Variants in RTN1 observed in about 807,000 individuals in gnomAD.
RTN1 encodes the protein reticulon-1.
In RTN1, 25 loss-of-function variants were observed where a neutral mutation model predicts 65.5. The observed-to-expected ratio is 0.38, with a 90% confidence interval of 0.28 to 0.53. RTN1 has a LOEUF of 0.53. Ranked by LOEUF, RTN1 falls within the 20% of genes least tolerant of loss-of-function variation. RTN1 has a pLI of 0.79. For synonymous variants in RTN1, 471 were observed against 447.6 expected (o/e 1.05, Z -0.66); for missense variants, 983 against 1,025.4 (o/e 0.96, Z 0.57).
At chr14:59,627,013 G>A (rs184521202) in intron 3 of RTN1, among the ~76,000 whole-genome samples, 1 of 152,146 alleles carries the variant, frequency 6.6e-6, no homozygotes, top group African/African-American at 2.4e-5. Flanking sequence ...AGTAAGATAG[G>A]CAGTGAGTGC....
At chr14:59,867,099 A>G (rs994369255) in intron 1 of RTN1, among the ~76,000 whole-genome samples, 2 of 152,170 alleles carry the variant, frequency 1.3e-5, no homozygotes, top group African/African-American at 2.4e-5. Context: ...TTTGCTTTCC[A>G]TATATTAAGC....
At chr14:59,708,611 GAC>G (rs1884350500) in intron 3 of RTN1, among the ~76,000 whole-genome samples, 1 of 152,194 alleles carries the variant, frequency 6.6e-6, no homozygotes, top group African/African-American at 2.4e-5. Context: ...CAGTTGAGAA[GAC>G]ACTCCCAAGG....
At chr14:59,807,453 T>C (rs1331640582) in intron 1 of RTN1, among the ~76,000 whole-genome samples, 1 of 152,202 alleles carries the variant, frequency 6.6e-6, no homozygotes, top group Non-Finnish European at 1.5e-5. Flanking sequence ...GATTCAAACA[T>C]CTGCCTCACT....
intron 8 of RTN1, among the ~76,000 whole-genome samples, chr14:59,599,493 G>A (rs962416073): frequency 1.3e-5 from 2 of 152,126 alleles, no homozygotes; most frequent in Middle Eastern, 3.2e-3. Flanking sequence ...CACATACCTT[G>A]GCCCAGACAC....
At chr14:59,758,811 A>C (rs1398594741) in intron 1 of RTN1, among the ~76,000 whole-genome samples, 1 of 152,218 alleles carries the variant, frequency 6.6e-6, no homozygotes, top group Non-Finnish European at 1.5e-5. Flanking sequence ...ATTGAGTCAC[A>C]TTCAAGAGCC....
intron 3 of RTN1, among the ~76,000 whole-genome samples, chr14:59,611,475 C>T (rs953413184): frequency 3.9e-5 from 6 of 152,096 alleles, no homozygotes; most frequent in African/African-American, 1.4e-4. Context: ...GTCTGTAGCC[C>T]CATTGCAGGG....
chr14:59,767,039 C>CA (rs976779936), intron 1 of RTN1, among the ~76,000 whole-genome samples: 1 of 151,972 alleles, frequency 6.6e-6, no homozygotes, highest in Non-Finnish European at 1.5e-5. Context: ...ACAACAACAA[C>CA]AAAAAAACAT....
At position 59,803,601 on chromosome 14, in the gene RTN1, G is replaced by A. The variant is rs17096657; in HGVS notation, c.242-57120C>T. ...ACCTGGGAAATCAGCATCATTTACT[G>A]CCTCAGAGAAGACAAGAGGTAAAAG... On this transcript the variant is annotated intron_variant, in intron 1 of 8. Transcript: ENST00000267484. The surrounding 1 kb of genome is among the most constrained non-coding windows in gnomAD (Gnocchi z 5.6). Among the ~76,000 whole-genome samples, 31 of 152,134 alleles carry A rather than the reference G, an allele frequency of 2.0e-4. No homozygotes were observed. The highest frequency in any genetic ancestry group is 7.5e-4 in the African/African-American group (31 of 41,530).
intron 1 of RTN1, among the ~76,000 whole-genome samples, chr14:59,783,457 TG>T (rs1174012267): frequency 1.3e-5 from 2 of 152,050 alleles, no homozygotes; most frequent in African/African-American, 4.8e-5. Flanking sequence ...ACAAAATAGC[TG>T]GGAAAGTGGA....
At chr14:59,679,190 T>C (rs1470516145) in intron 3 of RTN1, among the ~76,000 whole-genome samples, 1 of 152,230 alleles carries the variant, frequency 6.6e-6, no homozygotes, top group African/African-American at 2.4e-5. Flanking sequence ...TAGGGTGGCT[T>C]GGGTATGAAT....
At chr14:59,839,874 G>GA (rs1408202236) in intron 1 of RTN1, among the ~76,000 whole-genome samples, 3 of 151,862 alleles carry the variant, frequency 2.0e-5, no homozygotes, top group Non-Finnish European at 2.9e-5. Context: ...TACACATACA[G>GA]AAAAAAATCA....
At chr14:59,670,643 C>T (rs891199398) in intron 3 of RTN1, among the ~76,000 whole-genome samples, 21 of 124,572 alleles carry the variant, frequency 1.7e-4, no homozygotes, top group African/African-American at 7.0e-4. Flanking sequence ...TAACCAATCT[C>T]CTTCAACTAT....
rs1881393759 is a variant in RTN1, at chr14:59,596,276, A to G, written c.*469T>C. ...TTATTTTTACGTTGTGTGTGTTGGAAAAATGCTAAAACATCAGTCTACAAT... is the reference window on the plus strand; with the variant it reads ...TTATTTTTACGTTGTGTGTGTTGGAGAAATGCTAAAACATCAGTCTACAAT... On this transcript the variant is annotated 3_prime_UTR_variant, in exon 9 of 9. Coordinates refer to ENST00000267484, the MANE Select transcript of RTN1 (RefSeq NM_021136.3). 6.5e-6 allele frequency: 1 copy of G among 152,864 alleles called. No individual in the cohort carries two copies. Among genetic ancestry groups the G allele is most frequent in the Admixed American group, 6.5e-5 (1 of 15,304 alleles). 9.5% of individuals were successfully genotyped at this position (152,864 alleles called of 1,614,324 possible). A position where few individuals can be genotyped will look rare whatever the true frequency, so the allele number is the denominator to read the frequency against.
chr14:59,654,356 C>A (rs1449878811), intron 3 of RTN1, among the ~76,000 whole-genome samples: 1 of 148,266 alleles, frequency 6.7e-6, no homozygotes, highest in African/African-American at 2.5e-5. Context: ...TGAACCCGGG[C>A]AGGGGAGGTT....
At position 59,870,649 on chromosome 14, in the gene RTN1, G is replaced by T; in HGVS notation, c.-19C>A. 1.5e-6 allele frequency: 2 copies of T among 1,358,960 alleles called. No individual in the cohort carries two copies. The highest frequency in any genetic ancestry group is 1.8e-5 in the South Asian group (1 of 55,514). 84.2% of individuals were successfully genotyped at this position (1,358,960 alleles called of 1,614,324 possible). A position where few individuals can be genotyped will look rare whatever the true frequency, so the allele number is the denominator to read the frequency against. Reference sequence around the variant, plus strand: ...CGGCCATGGCTGGCGGTCCCCCGGCGCGGCGACGGCGGCTTGGCTGGGCAG... The same window carrying T: ...CGGCCATGGCTGGCGGTCCCCCGGCTCGGCGACGGCGGCTTGGCTGGGCAG... On this transcript the variant is annotated 5_prime_UTR_variant, in exon 1 of 9. Coordinates refer to ENST00000267484, the MANE Select transcript of RTN1 (RefSeq NM_021136.3). The surrounding 1 kb of genome is among the most constrained non-coding windows in gnomAD (Gnocchi z 5.1).
chr14:59,645,532 A>G (rs543058489), intron 3 of RTN1, among the ~76,000 whole-genome samples: 16 of 151,874 alleles, frequency 1.1e-4, no homozygotes, highest in Admixed American at 1.0e-3. Context: ...TCCCCACTGG[A>G]GCTATTGAGC....
chr14:59,742,847 C>A (rs1023572372), intron 2 of RTN1, among the ~76,000 whole-genome samples: 1 of 152,160 alleles, frequency 6.6e-6, no homozygotes, highest in African/African-American at 2.4e-5. Flanking sequence ...TGTCTATGGG[C>A]ACAGTGTCAC....
At chr14:59,737,075 G>C (rs909517931) in intron 2 of RTN1, among the ~76,000 whole-genome samples, 15 of 152,192 alleles carry the variant, frequency 9.9e-5, no homozygotes, top group African/African-American at 3.4e-4. Context: ...ATAGGCAAAA[G>C]CTGGAAGCAT....
intron 1 of RTN1, among the ~76,000 whole-genome samples, chr14:59,762,145 A>AT (rs1460559742): frequency 6.6e-6 from 1 of 152,214 alleles, no homozygotes; most frequent in African/African-American, 2.4e-5. Flanking sequence ...GTGGTGTGGT[A>AT]TGCTTCATGG....
Sources: gnomAD v4.1 joint callset for allele counts (sites outside exome capture counted in the v4.1 genomes callset) on GRCh38, gnomAD v4.1.1 for gene constraint, Gnocchi (gnomAD v3.1) non-coding constraint, MANE v1.5 for transcripts, NCBI Gene and HGNC (gene_info 2026-07-23, HGNC 2026-07-21) for gene names.